POFUT3: variants seen among roughly 807,000 people sequenced by gnomAD.
The protein encoded by POFUT3 is GDP-fucose protein O-fucosyltransferase 3.
At chr8:33,403,265 T>TGTGC in the POFUT3 span, among the ~76,000 whole-genome samples, 1 of 134,800 alleles carries the variant, frequency 7.4e-6, no homozygotes, top group Non-Finnish European at 1.6e-5. Flanking sequence ...GTTTGTATGG[T>TGTGC]GTGTGCGTGT....
the POFUT3 span, among the ~76,000 whole-genome samples, chr8:33,326,215 T>C: frequency 4.6e-5 from 7 of 152,148 alleles, no homozygotes; most frequent in Non-Finnish European, 8.8e-5. Context: ...AAATTCTCTT[T>C]GTTCAAGCAT....
chr8:33,417,151 C>A, the POFUT3 span, among the ~76,000 whole-genome samples: 2 of 152,212 alleles, frequency 1.3e-5, no homozygotes, highest in Non-Finnish European at 2.9e-5. Context: ...ATGAACCCTA[C>A]TGTGAACTGC....
At chr8:33,310,733 T>A in the POFUT3 span, among the ~76,000 whole-genome samples, 15 of 151,506 alleles carry the variant, frequency 9.9e-5, 1 homozygote, top group East Asian at 2.9e-3. Flanking sequence ...AGACAGAACA[T>A]TGTCGAGCAG....
the POFUT3 span, among the ~76,000 whole-genome samples, chr8:33,323,869 C>G: frequency 6.6e-6 from 1 of 152,150 alleles, no homozygotes; most frequent in African/African-American, 2.4e-5. Flanking sequence ...TAAGTTCTCA[C>G]CCCTCTTTCA....
chr8:33,353,581 T>C, the POFUT3 span, among the ~76,000 whole-genome samples: 12 of 152,178 alleles, frequency 7.9e-5, no homozygotes, highest in African/African-American at 2.9e-4. Flanking sequence ...AATGACCCCT[T>C]AAGTTTGCTA....
chr8:33,424,877 T>TA, the POFUT3 span, among the ~76,000 whole-genome samples: 1 of 152,162 alleles, frequency 6.6e-6, no homozygotes, highest in Non-Finnish European at 1.5e-5. Context: ...GCACAGCACT[T>TA]ACTGAGGTCA....
the POFUT3 span, among the ~76,000 whole-genome samples, chr8:33,375,049 T>A: frequency 6.6e-6 from 1 of 151,340 alleles, no homozygotes; most frequent in Non-Finnish European, 1.5e-5. Context: ...TCCAGCTAAT[T>A]TTTTTTATTT....
chr8:33,357,477 C>T, the POFUT3 span, among the ~76,000 whole-genome samples: 1 of 151,368 alleles, frequency 6.6e-6, no homozygotes, highest in African/African-American at 2.4e-5. Flanking sequence ...CATTCTCTAC[C>T]ACCATTATCC....
chr8:33,390,224 A>C, the POFUT3 span, among the ~76,000 whole-genome samples: 1 of 151,272 alleles, frequency 6.6e-6, no homozygotes, highest in African/African-American at 2.5e-5. Context: ...ACACACACAC[A>C]CATGAAGCAT....
the POFUT3 span, among the ~76,000 whole-genome samples, chr8:33,331,804 T>C: frequency 6.6e-6 from 1 of 151,768 alleles, no homozygotes; most frequent in East Asian, 2.0e-4. Flanking sequence ...GCCTCCCGAG[T>C]AGCTGGGACT....
At chr8:33,422,552 A>AG in the POFUT3 span, among the ~76,000 whole-genome samples, 1 of 139,852 alleles carries the variant, frequency 7.2e-6, no homozygotes, top group Non-Finnish European at 1.5e-5. Flanking sequence ...TCTCAAAAAA[A>AG]AAAAAAAAAA....
chr8:33,379,846 A>ATATATATATACT, the POFUT3 span, among the ~76,000 whole-genome samples: 1 of 102,184 alleles, frequency 9.8e-6, no homozygotes, highest in African/African-American at 4.5e-5. Flanking sequence ...AAAAAAAAAA[A>ATATATATATACT]ATATATATAT....
At chr8:33,353,897 A>G in the POFUT3 span, among the ~76,000 whole-genome samples, 22 of 152,296 alleles carry the variant, frequency 1.4e-4, no homozygotes, top group Non-Finnish European at 2.8e-4. Flanking sequence ...TGGCCTCGGT[A>G]AAGAAACCAA....
chr8:33,427,125 C>T, the POFUT3 span, among the ~76,000 whole-genome samples: 1 of 152,298 alleles, frequency 6.6e-6, no homozygotes, highest in South Asian at 2.1e-4. Flanking sequence ...GCTCACTTTA[C>T]AACTTCACTT....
the POFUT3 span, among the ~76,000 whole-genome samples, chr8:33,398,851 T>A: frequency 6.6e-6 from 1 of 152,194 alleles, no homozygotes; most frequent in Non-Finnish European, 1.5e-5. Flanking sequence ...ATAAGGATGA[T>A]GTGAGGAGGT....
At chr8:33,381,576 G>A in the POFUT3 span, among the ~76,000 whole-genome samples, 1 of 152,174 alleles carries the variant, frequency 6.6e-6, no homozygotes, top group Admixed American at 6.5e-5. Context: ...TGATGACTTA[G>A]GGTTATTACT....
chr8:33,412,639 G>A, the POFUT3 span, among the ~76,000 whole-genome samples: 1 of 152,012 alleles, frequency 6.6e-6, no homozygotes, highest in East Asian at 1.9e-4. Flanking sequence ...TGTCATTATT[G>A]TTGTTTGAGA....
chr8:33,367,408 T>C, the POFUT3 span, among the ~76,000 whole-genome samples: 1 of 152,254 alleles, frequency 6.6e-6, no homozygotes, highest in Non-Finnish European at 1.5e-5. Context: ...CCGTAAGGAA[T>C]ACTTTTAGTT....
At chr8:33,438,807 G>A in the POFUT3 span, among the ~76,000 whole-genome samples, 1 of 152,136 alleles carries the variant, frequency 6.6e-6, no homozygotes, top group Admixed American at 6.6e-5. Context: ...AGGGGAAGCA[G>A]ACAAGAGAGA....
Sources: allele counts gnomAD v4.1 joint callset (sites outside exome capture counted in the v4.1 genomes callset), GRCh38; gene constraint gnomAD v4.1.1; transcripts MANE v1.5; gene names NCBI Gene and HGNC (gene_info 2026-07-23, HGNC 2026-07-21).